Variants in GALNT13 observed in about 807,000 individuals in gnomAD.
GALNT13 encodes the protein polypeptide N-acetylgalactosaminyltransferase 13.
GALNT13 carries 28 observed loss-of-function variants against 64.2 expected under a neutral mutation model. The ratio of observed to expected loss-of-function variants is 0.44; its 90% confidence interval spans 0.32 to 0.60. GALNT13 has a LOEUF of 0.60. GALNT13 is among the 20% of genes least tolerant of loss of function. GALNT13 has a pLI of 0.05. For synonymous variants in GALNT13, 214 were observed against 224.6 expected (o/e 0.95, Z 0.42); for missense variants, 577 against 669.8 (o/e 0.86, Z 1.53).
rs561806010 is a variant in GALNT13, at chr2:154,417,233, G to C, written c.1395+8151G>C. Among the ~76,000 whole-genome samples the C allele has an allele frequency of 3.9e-4, 55 of 141,898 alleles. 1 individual carries two copies. The South Asian group carries it at 0.01, about 27-fold the overall frequency. 93.1% of individuals were successfully genotyped at this position (141,898 alleles called of 152,430 possible). ...TTCCACCTTCCTTAAATAATTAAGT[G>C]ATGACTCCGTCGAAATTATCGCTCC... On this transcript the variant is annotated intron_variant, in intron 11 of 12. Coordinates refer to ENST00000392825, the MANE Select transcript of GALNT13 (RefSeq NM_052917.4).
chr2:153,683,570 G>T, the GALNT13 span, among the ~76,000 whole-genome samples: 3 of 151,656 alleles, frequency 2.0e-5, no homozygotes, highest in Non-Finnish European at 4.4e-5. Context: ...AATCCATTAT[G>T]ATTCTTAAGT....
chr2:154,225,995 A>G (rs1688599684), intron 4 of GALNT13, among the ~76,000 whole-genome samples: 2 of 152,214 alleles, frequency 1.3e-5, no homozygotes, highest in Admixed American at 6.5e-5. Flanking sequence ...CAATTTTTAC[A>G]CAAAAAGTTA....
At chr2:154,424,792 T>C (rs1187348995) in intron 11 of GALNT13, among the ~76,000 whole-genome samples, 1 of 152,236 alleles carries the variant, frequency 6.6e-6, no homozygotes, top group Non-Finnish European at 1.5e-5. Context: ...CCACCATACT[T>C]GTCTTTTCTG....
chr2:153,333,476 T>A, the GALNT13 span, among the ~76,000 whole-genome samples: 3 of 152,156 alleles, frequency 2.0e-5, no homozygotes, highest in African/African-American at 7.2e-5. Context: ...GAAATTTCCA[T>A]TTTCCTTCTT....
At chr2:153,210,496 A>T in the GALNT13 span, among the ~76,000 whole-genome samples, 1 of 152,190 alleles carries the variant, frequency 6.6e-6, no homozygotes, top group Non-Finnish European at 1.5e-5. Flanking sequence ...TTCTTAGGAT[A>T]AACACTAGTG....
chr2:153,720,413 T>A, the GALNT13 span, among the ~76,000 whole-genome samples: 1 of 151,510 alleles, frequency 6.6e-6, no homozygotes, highest in African/African-American at 2.4e-5. Context: ...CCTCTCCTCC[T>A]CCAAAGGAAC....
chr2:153,378,301 TAGA>T, the GALNT13 span, among the ~76,000 whole-genome samples: 1 of 146,446 alleles, frequency 6.8e-6, no homozygotes, highest in African/African-American at 2.7e-5. Flanking sequence ...GATAGATAGA[TAGA>T]TAGATAATTT....
the GALNT13 span, among the ~76,000 whole-genome samples, chr2:153,661,375 A>G: frequency 2.0e-5 from 3 of 152,154 alleles, no homozygotes; most frequent in Non-Finnish European, 4.4e-5. Context: ...TAACTTAAAA[A>G]CAATACATGA....
chr2:153,833,813 C>T, the GALNT13 span, among the ~76,000 whole-genome samples: 1 of 152,046 alleles, frequency 6.6e-6, no homozygotes, highest in Non-Finnish European at 1.5e-5. Flanking sequence ...ATCAACTCTC[C>T]AGGTAGAACC....
chr2:154,084,266 C>T (rs371932039), intron 3 of GALNT13, among the ~76,000 whole-genome samples: 2 of 151,712 alleles, frequency 1.3e-5, no homozygotes, highest in Non-Finnish European at 2.9e-5. Flanking sequence ...CTATAGTTTT[C>T]TAATTATAAA....
At chr2:153,793,673 G>A in the GALNT13 span, among the ~76,000 whole-genome samples, 39 of 148,050 alleles carry the variant, frequency 2.6e-4, no homozygotes, top group African/African-American at 9.2e-4. Flanking sequence ...AAAAAAACTA[G>A]AAAATGCCCT....
At chr2:153,555,235 C>A in the GALNT13 span, among the ~76,000 whole-genome samples, 1 of 97,584 alleles carries the variant, frequency 1.0e-5, no homozygotes. Flanking sequence ...TGCTCTGTCA[C>A]CCAGGCTGGA....
intron 8 of GALNT13, among the ~76,000 whole-genome samples, chr2:154,300,877 C>T (rs999387476): frequency 7.9e-5 from 12 of 152,226 alleles, no homozygotes; most frequent in African/African-American, 1.4e-4. Flanking sequence ...AAGAAATGAT[C>T]TTGGTGAAGA....
At chr2:153,758,126 C>A in the GALNT13 span, among the ~76,000 whole-genome samples, 1 of 152,100 alleles carries the variant, frequency 6.6e-6, no homozygotes, top group Non-Finnish European at 1.5e-5. Flanking sequence ...CTTTTTACAT[C>A]AATTTTTAAC....
At chr2:153,743,878 C>G in the GALNT13 span, among the ~76,000 whole-genome samples, 2 of 152,026 alleles carry the variant, frequency 1.3e-5, no homozygotes, top group Non-Finnish European at 2.9e-5. Context: ...TCCATAAGTT[C>G]AATTCCTTTG....
At chr2:154,049,375 T>G (rs565476675) in intron 3 of GALNT13, among the ~76,000 whole-genome samples, 1 of 148,432 alleles carries the variant, frequency 6.7e-6, no homozygotes, top group Non-Finnish European at 1.5e-5. Flanking sequence ...TTAAAGAATA[T>G]ATATCACTAT....
chr2:153,393,121 G>C, the GALNT13 span, among the ~76,000 whole-genome samples: 1 of 151,922 alleles, frequency 6.6e-6, no homozygotes, highest in Admixed American at 6.6e-5. Flanking sequence ...AAGACATCTG[G>C]GTAATCATAA....
chr2:153,664,354 A>G, the GALNT13 span, among the ~76,000 whole-genome samples: 2 of 152,180 alleles, frequency 1.3e-5, no homozygotes, highest in Non-Finnish European at 2.9e-5. Context: ...GAGAAATATG[A>G]CTTTGTTCTG....
intron 11 of GALNT13, among the ~76,000 whole-genome samples, chr2:154,430,025 A>G (rs1272192137): frequency 6.6e-6 from 1 of 152,190 alleles, no homozygotes; most frequent in Non-Finnish European, 1.5e-5. Context: ...CTCCTCATTG[A>G]TAATTTACTC....
Sources: gnomAD v4.1 joint callset for allele counts (sites outside exome capture counted in the v4.1 genomes callset) on GRCh38, gnomAD v4.1.1 for gene constraint, MANE v1.5 for transcripts, NCBI Gene and HGNC (gene_info 2026-07-23, HGNC 2026-07-21) for gene names.